Variants in EDAR observed in about 807,000 individuals in gnomAD.
The protein encoded by EDAR is tumor necrosis factor receptor superfamily member EDAR.
Under a neutral mutation model 51.3 loss-of-function variants are expected in EDAR, and 38 were observed. The ratio of observed to expected loss-of-function variants is 0.74; its 90% CI spans 0.57 to 0.97. EDAR has a LOEUF of 0.97. Ranked by LOEUF, EDAR falls within the 50% of genes least tolerant of loss-of-function variation. The pLI is 0.00. For synonymous variants in EDAR, 227 were observed against 242.1 expected (o/e 0.94, Z 0.58); for missense variants, 528 against 595.0 (o/e 0.89, Z 1.17).
intron 1 of EDAR, among the ~76,000 whole-genome samples, chr2:108,949,560 C>G (rs945129217): frequency 6.6e-6 from 1 of 152,178 alleles, no homozygotes; most frequent in Non-Finnish European, 1.5e-5. Context: ...CAGTGCATGA[C>G]TTGCAATTAA....
chr2:108,929,388 G>C lies in EDAR; in HGVS notation c.175-9C>G. Reference sequence around the variant, plus strand: ...GTGCCGTAGCCACAGGACTGTCCAGGGAAAGAGGACAGGGGACACAGGTGA... The same window carrying C: ...GTGCCGTAGCCACAGGACTGTCCAGCGAAAGAGGACAGGGGACACAGGTGA... On this transcript the variant is annotated splice_polypyrimidine_tract_variant and intron_variant, in intron 3 of 11. Transcript: ENST00000258443. 1 of 1,613,954 alleles carries C rather than the reference G, an allele frequency of 6.2e-7. No homozygotes were observed. Among genetic ancestry groups the C allele is most frequent in the East Asian group, 2.2e-5 (1 of 44,884 alleles).
At chr2:108,898,660 T>C (rs1696644847) in intron 11 of EDAR, among the ~76,000 whole-genome samples, 1 of 152,066 alleles carries the variant, frequency 6.6e-6, no homozygotes, top group African/African-American at 2.4e-5. Context: ...TTTTAAAGAA[T>C]TCATAATAAA....
chr2:108,982,661 T>A (rs1358281134), intron 1 of EDAR, among the ~76,000 whole-genome samples: 1 of 152,224 alleles, frequency 6.6e-6, no homozygotes, highest in African/African-American at 2.4e-5. Flanking sequence ...GTTTGGATAA[T>A]AATTTTCATC....
intron 8 of EDAR, 122 bp from the exon 9 acceptor site, chr2:108,910,654 C>A (rs1009914280): frequency 1.1e-5 from 16 of 1,418,320 alleles, no homozygotes; most frequent in Non-Finnish European, 1.6e-5. Context: ...CACCACCCCA[C>A]GGTAAGCACA....
At chr2:108,957,892 G>A (rs748230607) in intron 1 of EDAR, among the ~76,000 whole-genome samples, 2 of 152,016 alleles carry the variant, frequency 1.3e-5, no homozygotes, top group East Asian at 1.9e-4. Context: ...TAATTATAGC[G>A]CAGGAAAGCT....
At chr2:108,950,553 A>T (rs538413838) in intron 1 of EDAR, among the ~76,000 whole-genome samples, 2 of 152,348 alleles carry the variant, frequency 1.3e-5, no homozygotes, top group South Asian at 4.1e-4. Flanking sequence ...TCATATTCTG[A>T]CATGATGTAG....
chr2:108,959,476 A>G (rs1413232786), intron 1 of EDAR, among the ~76,000 whole-genome samples: 1 of 152,180 alleles, frequency 6.6e-6, no homozygotes, highest in East Asian at 1.9e-4. Flanking sequence ...TGAGCAGAAT[A>G]TTGCATCTTT....
At chr2:108,905,624 C>T (rs111870108) in intron 11 of EDAR, among the ~76,000 whole-genome samples, 10,320 of 152,106 alleles carry the variant, frequency 0.068, 1,168 homozygotes, top group African/African-American at 0.24. Flanking sequence ...AAGGAGTCCA[C>T]GGAGGGAGGC....
intron 1 of EDAR, among the ~76,000 whole-genome samples, chr2:108,961,853 G>A (rs1698053596): frequency 6.6e-6 from 1 of 152,164 alleles, no homozygotes. Flanking sequence ...TGGCCCCTGT[G>A]CTGGAAATGA....
At chr2:108,946,996 CA>C (rs1310614911) in intron 1 of EDAR, among the ~76,000 whole-genome samples, 3 of 152,132 alleles carry the variant, frequency 2.0e-5, no homozygotes, top group African/African-American at 7.2e-5. Flanking sequence ...TCATCTGAGA[CA>C]AGGCAAATCC....
intron 1 of EDAR, among the ~76,000 whole-genome samples, chr2:108,985,143 G>C (rs1293875603): frequency 6.6e-6 from 1 of 152,130 alleles, no homozygotes; most frequent in Admixed American, 6.5e-5. Context: ...GACTAATACT[G>C]TATCTTATTT....
At chr2:108,910,613 T>A in intron 8 of EDAR, 81 bp from the exon 9 acceptor site, 1 of 1,415,774 alleles carries the variant, frequency 7.1e-7, no homozygotes, top group Non-Finnish European at 9.9e-7. Context: ...CTGCTCTTCC[T>A]GTTGGGCAGA....
At chr2:108,964,942 A>G (rs912476783) in intron 1 of EDAR, among the ~76,000 whole-genome samples, 4 of 152,230 alleles carry the variant, frequency 2.6e-5, no homozygotes, top group Admixed American at 2.0e-4. Context: ...TAAATCCTAT[A>G]AAGTTCAGCT....
intron 1 of EDAR, among the ~76,000 whole-genome samples, chr2:108,965,522 G>T (rs1426968364): frequency 2.0e-5 from 3 of 152,132 alleles, no homozygotes; most frequent in African/African-American, 7.2e-5. Flanking sequence ...GGTCTTTTGG[G>T]GAGAGAAAAA....
intron 1 of EDAR, among the ~76,000 whole-genome samples, chr2:108,986,678 C>G (rs1255166328): frequency 2.6e-5 from 4 of 152,166 alleles, no homozygotes; most frequent in Non-Finnish European, 5.9e-5. Context: ...TTCATGACAA[C>G]GCTTTGTAAA....
At chr2:108,942,012 G>A (rs990522759) in intron 1 of EDAR, among the ~76,000 whole-genome samples, 10 of 152,242 alleles carry the variant, frequency 6.6e-5, no homozygotes, top group Admixed American at 3.9e-4. Context: ...CCCCTTGTGT[G>A]ATGGAAACTC....
At chr2:108,949,939 G>C (rs184157910) in intron 1 of EDAR, among the ~76,000 whole-genome samples, 92 of 152,316 alleles carry the variant, frequency 6.0e-4, no homozygotes, top group Middle Eastern at 3.4e-3. Context: ...ATTTCCTGAG[G>C]TTTTTGAAAT....
At chr2:108,952,297 G>A (rs1697840798) in intron 1 of EDAR, among the ~76,000 whole-genome samples, 1 of 152,102 alleles carries the variant, frequency 6.6e-6, no homozygotes, top group Non-Finnish European at 1.5e-5. Context: ...TGGGAGATTG[G>A]GTAGAAGGTA....
In EDAR at chr2:108,897,192, C is replaced by A. The variant is rs566530415; in HGVS notation, c.1062G>T (p.Glu354Asp). 6.2e-7 allele frequency: 1 copy of A among 1,613,806 alleles called. No homozygotes were observed. Among genetic ancestry groups the A allele is most frequent in the South Asian group, 1.1e-5 (1 of 91,078 alleles). ...SPTELPFDCLEKTSRMLSSTY... is the reference protein window; with the variant it reads ...SPTELPFDCLDKTSRMLSSTY... ...TGGAGCTGAGCATTCGGCTAGTCTT[C>A]TCGAGGCAATCAAATGGCAGCTCCG... is the stretch of plus-strand genomic sequence containing the variant. The change falls in exon 12 of 12, where the codon GAG becomes GAT. Residue 354 changes from glutamate (E) to aspartate (D), a missense_variant. Coordinates refer to ENST00000258443, the MANE Select transcript of EDAR (RefSeq NM_022336.4).
Sources: gnomAD v4.1 joint callset for allele counts (sites outside exome capture counted in the v4.1 genomes callset) on GRCh38, gnomAD v4.1.1 for gene constraint, MANE v1.5 for transcripts, NCBI Gene and HGNC (gene_info 2026-07-23, HGNC 2026-07-21) for gene names.